The following EPHB1 variants were observed in gnomAD, a reference collection of about 807,000 sequenced individuals.
The protein encoded by EPHB1 is EPH receptor B1.
A neutral mutation model predicts 94.4 loss-of-function variants in EPHB1; 30 were observed. That is an observed-to-expected ratio of 0.32 (90% CI 0.24 to 0.43). The LOEUF (loss-of-function observed/expected upper bound fraction) is 0.43. Among genes scored for constraint, EPHB1 ranks in the 20% least tolerant of loss-of-function variants. The pLI is 1.00. For synonymous variants in EPHB1, 522 were observed against 489.1 expected (o/e 1.07, Z -0.89); for missense variants, 1,055 against 1,308.3 (o/e 0.81, Z 2.99).
chr3:135,111,079 G>A (rs758803328), intron 4 of EPHB1, among the ~76,000 whole-genome samples: 1 of 152,192 alleles, frequency 6.6e-6, no homozygotes, highest in Non-Finnish European at 1.5e-5. Flanking sequence ...GCCAGGTTTG[G>A]TGGCCATAGA....
chr3:135,109,526 A>T (rs1220151581), intron 4 of EPHB1, among the ~76,000 whole-genome samples: 1 of 152,232 alleles, frequency 6.6e-6, no homozygotes. Flanking sequence ...TGAAGATTGC[A>T]GCAGATATTG....
At chr3:135,130,574 A>G (rs1381232788) in intron 4 of EPHB1, among the ~76,000 whole-genome samples, 2 of 152,194 alleles carry the variant, frequency 1.3e-5, no homozygotes, top group Admixed American at 1.3e-4. Context: ...AAAGACTTGT[A>G]TGAGTTTACA....
intron 2 of EPHB1, among the ~76,000 whole-genome samples, chr3:134,926,588 A>C (rs974477652): frequency 1.3e-5 from 2 of 152,298 alleles, no homozygotes; most frequent in African/African-American, 4.8e-5. Context: ...GATTATGAAA[A>C]CACATAAGAG....
chr3:134,827,216 T>A (rs111576940), intron 1 of EPHB1, among the ~76,000 whole-genome samples: 2,400 of 152,368 alleles, frequency 0.016, 37 homozygotes, highest in Middle Eastern at 0.024. Flanking sequence ...TTCACACAAT[T>A]ACTATATGGT....
At chr3:135,003,569 TC>T (rs1269825165) in intron 3 of EPHB1, among the ~76,000 whole-genome samples, 1 of 151,880 alleles carries the variant, frequency 6.6e-6, no homozygotes, top group African/African-American at 2.4e-5. Context: ...TGTTAAAGTC[TC>T]CCATTATTAA....
chr3:134,908,591 G>A (rs1228562972), intron 1 of EPHB1, among the ~76,000 whole-genome samples: 1 of 152,228 alleles, frequency 6.6e-6, no homozygotes, highest in Non-Finnish European at 1.5e-5. Flanking sequence ...CAGGGGCAGG[G>A]CTGGGAAAGG....
rs145994503 is a variant in EPHB1 at position 134,820,807 on chromosome 3, C to G, written c.58+25118C>G. Among the ~76,000 whole-genome samples the G allele has an allele frequency of 3.5e-3, 538 of 152,236 alleles. 6 individuals carry two copies. In the Middle Eastern group the frequency reaches 0.037, roughly 11 times the overall value. The stretch of plus-strand genomic sequence containing the variant: ...TGTTCCCAATGCTGGTCAAAAGAAA[C>G]AAAAACCAGATACGCTTTAAAAGGG... On this transcript the variant is annotated intron_variant, in intron 1 of 15. Coordinates refer to ENST00000398015, the MANE Select transcript of EPHB1 (RefSeq NM_004441.5).
At chr3:135,257,889 A>G (rs536325587) in intron 15 of EPHB1, among the ~76,000 whole-genome samples, 3 of 151,702 alleles carry the variant, frequency 2.0e-5, no homozygotes, top group African/African-American at 7.2e-5. Context: ...GGACCCTCCG[A>G]GCCAGGTGTG....
intron 1 of EPHB1, among the ~76,000 whole-genome samples, chr3:134,897,724 C>T (rs1374264548): frequency 1.3e-5 from 2 of 152,220 alleles, no homozygotes; most frequent in South Asian, 2.1e-4. Context: ...CCTCACACAC[C>T]CTCCTTCATC....
At chr3:135,082,282 C>T (rs115893692) in intron 3 of EPHB1, among the ~76,000 whole-genome samples, 1 of 152,300 alleles carries the variant, frequency 6.6e-6, no homozygotes, top group African/African-American at 2.4e-5. Context: ...TGGGCAGGAC[C>T]TTGGACACAG....
intron 3 of EPHB1, among the ~76,000 whole-genome samples, chr3:134,988,176 C>G (rs1934669719): frequency 6.6e-6 from 1 of 152,166 alleles, no homozygotes; most frequent in African/African-American, 2.4e-5. Flanking sequence ...CTGTCTGAGC[C>G]AGTAGCTCTG....
chr3:135,152,534 G>T (rs144503894), intron 5 of EPHB1, among the ~76,000 whole-genome samples: 2 of 152,168 alleles, frequency 1.3e-5, no homozygotes, highest in African/African-American at 2.4e-5. Context: ...GGAGTCAGAG[G>T]AGGCTGGGAA....
chr3:135,249,343 C>T lies in EPHB1; in HGVS notation c.2698C>T (p.Gln900Ter), dbSNP rs2107731841. The change falls in exon 15 of 16, where the codon CAG becomes TAG. Residue 900 changes from glutamine (Q) to a stop codon, truncating the protein, a stop_gained. Transcript: ENST00000398015. LOFTEE classifies it high-confidence loss of function. ...TVATITAVPS[Q>*]PLLDRSIPDF... ...CCATCTCTGTCTCACCAGGCCTTCCCAGCCCCTGCTCGACCGCTCCATCCC... is the reference window on the plus strand; with the variant it reads ...CCATCTCTGTCTCACCAGGCCTTCCTAGCCCCTGCTCGACCGCTCCATCCC... The T allele has an allele frequency of 6.2e-7, 1 of 1,611,888 alleles. No individual in the cohort carries two copies. The highest frequency in any genetic ancestry group is 8.5e-7 in the Non-Finnish European group (1 of 1,178,992).
intron 1 of EPHB1, among the ~76,000 whole-genome samples, chr3:134,811,652 C>G (rs375886391): frequency 8.6e-4 from 130 of 151,294 alleles, no homozygotes; most frequent in African/African-American, 3.0e-3. Context: ...TGGTGGGCCA[C>G]AAACCGTTAT....
intron 3 of EPHB1, among the ~76,000 whole-genome samples, chr3:134,998,690 T>C (rs1332251085): frequency 1.3e-5 from 2 of 152,226 alleles, no homozygotes; most frequent in African/African-American, 4.8e-5. Flanking sequence ...CTTAATATAT[T>C]GCGTTAAATC....
chr3:134,832,459 G>C (rs1303142893), intron 1 of EPHB1, among the ~76,000 whole-genome samples: 1 of 152,202 alleles, frequency 6.6e-6, no homozygotes, highest in Non-Finnish European at 1.5e-5. Context: ...GCACCACCCT[G>C]AGACCTGTTC....
intron 12 of EPHB1, among the ~76,000 whole-genome samples, chr3:135,216,102 C>T (rs535999912): frequency 6.6e-6 from 1 of 152,320 alleles, no homozygotes; most frequent in South Asian, 2.1e-4. Flanking sequence ...AGCATCTTTT[C>T]ACGGGGTGGC....
At chr3:134,972,645 A>C (rs1185113514) in intron 3 of EPHB1, among the ~76,000 whole-genome samples, 1 of 151,284 alleles carries the variant, frequency 6.6e-6, no homozygotes, top group African/African-American at 2.4e-5. Flanking sequence ...TGCATTCAAC[A>C]AACAAGTACT....
At chr3:135,218,670 AG>A (rs1408931802) in intron 12 of EPHB1, among the ~76,000 whole-genome samples, 1 of 152,228 alleles carries the variant, frequency 6.6e-6, no homozygotes, top group East Asian at 1.9e-4. Flanking sequence ...CTGTTCTCCT[AG>A]CCAATACATA....
Sources: gnomAD v4.1 joint callset for allele counts (sites outside exome capture counted in the v4.1 genomes callset) on GRCh38, gnomAD v4.1.1 for gene constraint, MANE v1.5 for transcripts, NCBI Gene and HGNC (gene_info 2026-07-23, HGNC 2026-07-21) for gene names.